The following LPP variants were observed in gnomAD, a reference collection of about 807,000 sequenced individuals.
The protein encoded by LPP is lipoma-preferred partner.
In LPP, 38 loss-of-function variants were observed where a neutral mutation model predicts 60.4. That is an observed-to-expected ratio of 0.63 (90% confidence interval 0.49 to 0.83). The LOEUF is 0.83. Among genes scored for constraint, LPP ranks in the 40% least tolerant of loss-of-function variants. LPP has a pLI of 0.00. For synonymous variants in LPP, 328 were observed against 290.8 expected (o/e 1.13, Z -1.30); for missense variants, 902 against 783.6 (o/e 1.15, Z -1.80).
chr3:188,248,478 A>AG (rs1553833575), intron 2 of LPP, among the ~76,000 whole-genome samples: 1 of 128,436 alleles, frequency 7.8e-6, no homozygotes, highest in Non-Finnish European at 1.7e-5. Flanking sequence ...TTATATATAT[A>AG]TATATATATA....
At chr3:188,346,251 CTTTTTTTTTTTTTTTTTTT>C in intron 3 of LPP, among the ~76,000 whole-genome samples, 1 of 88,340 alleles carries the variant, frequency 1.1e-5, no homozygotes, top group African/African-American at 5.2e-5. Flanking sequence ...AGTAGCAAAT[CTTTTTTTTTTTTTTTTTTT>C]TTTTTTTGAG....
chr3:188,371,639 ATATTTTTTTTTTTTTT>A (rs1264524334), intron 3 of LPP, among the ~76,000 whole-genome samples: 4 of 27,658 alleles, frequency 1.4e-4, no homozygotes, highest in Admixed American at 6.6e-4. Context: ...ATATATATAT[ATATTTTTTTTTTTTTT>A]TTTTTTTTTT....
At chr3:188,290,054 C>A (rs1207389219) in intron 2 of LPP, among the ~76,000 whole-genome samples, 1 of 151,746 alleles carries the variant, frequency 6.6e-6, no homozygotes, top group Non-Finnish European at 1.5e-5. Flanking sequence ...AGTGGCGCAA[C>A]CTTGGCCTCC....
At chr3:188,424,074 T>C (rs1286934372) in intron 4 of LPP, among the ~76,000 whole-genome samples, 2 of 152,156 alleles carry the variant, frequency 1.3e-5, no homozygotes, top group Non-Finnish European at 2.9e-5. Flanking sequence ...TCTTCTAGGG[T>C]TTTTATGGTT....
intron 7 of LPP, among the ~76,000 whole-genome samples, chr3:188,647,964 A>G (rs529302412): frequency 5.3e-5 from 8 of 152,330 alleles, no homozygotes; most frequent in South Asian, 2.1e-4. Flanking sequence ...CTAAGCCTCA[A>G]TGTTCTCATT....
intron 9 of LPP, among the ~76,000 whole-genome samples, chr3:188,811,614 G>A (rs1300818871): frequency 4.6e-5 from 7 of 152,016 alleles, no homozygotes. Flanking sequence ...AATAATCTTA[G>A]AACCATTTAT....
chr3:188,387,694 G>T (rs1423768218), intron 3 of LPP, among the ~76,000 whole-genome samples: 1 of 151,662 alleles, frequency 6.6e-6, no homozygotes, highest in East Asian at 1.9e-4. Flanking sequence ...AGCCTCCCGA[G>T]TAGCTGGGAT....
intron 5 of LPP, among the ~76,000 whole-genome samples, chr3:188,511,361 A>G (rs1815598648): frequency 7.6e-6 from 1 of 131,854 alleles, no homozygotes; most frequent in South Asian, 2.3e-4. Flanking sequence ...CCTGAACTTC[A>G]TATCAGTGTG....
chr3:188,546,524 A>G (rs1826697474), intron 6 of LPP, among the ~76,000 whole-genome samples: 1 of 152,130 alleles, frequency 6.6e-6, no homozygotes, highest in Non-Finnish European at 1.5e-5. Context: ...ACATTTCACT[A>G]GTTCCATACA....
chr3:188,354,105 C>T (rs1766789358), intron 3 of LPP, among the ~76,000 whole-genome samples: 1 of 152,032 alleles, frequency 6.6e-6, no homozygotes, highest in African/African-American at 2.4e-5. Context: ...ACTTTCCTAA[C>T]TTTTATAGGA....
At chr3:188,203,387 T>A (rs1389707431) in intron 1 of LPP, among the ~76,000 whole-genome samples, 15 of 86,384 alleles carry the variant, frequency 1.7e-4, no homozygotes, top group Non-Finnish European at 3.0e-4. Flanking sequence ...TTAATATTTA[T>A]ATATTAATAT....
chr3:188,326,883 A>G (rs1271656478), intron 2 of LPP, among the ~76,000 whole-genome samples: 2 of 152,110 alleles, frequency 1.3e-5, no homozygotes, highest in African/African-American at 4.8e-5. Flanking sequence ...TCTGTTTGAT[A>G]AGCATTCTTA....
At chr3:188,277,870 AT>A (rs1231905641) in intron 2 of LPP, among the ~76,000 whole-genome samples, 3 of 152,128 alleles carry the variant, frequency 2.0e-5, no homozygotes, top group African/African-American at 7.2e-5. Context: ...ATCCCTGGCT[AT>A]TGTCATTCGC....
At chr3:188,293,245 A>G (rs1050450654) in intron 2 of LPP, among the ~76,000 whole-genome samples, 2 of 152,216 alleles carry the variant, frequency 1.3e-5, no homozygotes, top group African/African-American at 4.8e-5. Flanking sequence ...GAAGCAGAAA[A>G]TGTGGTTTTT....
chr3:188,752,534 G>A lies in LPP; in HGVS notation c.1241-7579G>A, dbSNP rs186866719. On this transcript the variant is annotated intron_variant, in intron 8 of 11. Transcript: ENST00000617246. ...TTTTGTTTTGTTTGTTGTGGTGGTG[G>A]TGATGGTATTTTTGTTTTGTTTTTG... 9.0e-4 allele frequency among the ~76,000 whole-genome samples: 137 copies of A among 152,292 alleles called. 3 individuals carry two copies. In the East Asian group the frequency reaches 0.022, roughly 24 times the overall value.
At chr3:188,382,501 G>A (rs540115074) in intron 3 of LPP, among the ~76,000 whole-genome samples, 1 of 152,192 alleles carries the variant, frequency 6.6e-6, no homozygotes, top group East Asian at 1.9e-4. Context: ...GGATGTGATG[G>A]CTCTTTAAAA....
At chr3:188,640,798 G>A (rs1027582858) in intron 7 of LPP, among the ~76,000 whole-genome samples, 8 of 152,028 alleles carry the variant, frequency 5.3e-5, no homozygotes, top group African/African-American at 7.2e-5. Flanking sequence ...AAGCCAAAGA[G>A]CAATCTGTCT....
chr3:188,430,283 T>G (rs994232558), intron 4 of LPP, among the ~76,000 whole-genome samples: 1 of 152,180 alleles, frequency 6.6e-6, no homozygotes, highest in Non-Finnish European at 1.5e-5. Context: ...AAGAAAATTA[T>G]CAGAATTTCC....
intron 7 of LPP, among the ~76,000 whole-genome samples, chr3:188,628,754 A>T (rs1195052708): frequency 6.6e-6 from 1 of 152,156 alleles, no homozygotes. Context: ...TCATTCTATA[A>T]CGCCAGCATC....
Sources: gnomAD v4.1 joint callset for allele counts (sites outside exome capture counted in the v4.1 genomes callset) on GRCh38, gnomAD v4.1.1 for gene constraint, MANE v1.5 for transcripts, NCBI Gene and HGNC (gene_info 2026-07-23, HGNC 2026-07-21) for gene names.